Variants in FCHO2 observed in about 807,000 individuals in gnomAD.
The protein encoded by FCHO2 is F-BAR domain only protein 2.
FCHO2 carries 43 observed loss-of-function variants against 114.1 expected under a neutral mutation model. The observed-to-expected ratio is 0.38, with a 90% CI of 0.30 to 0.49. The LOEUF (loss-of-function observed/expected upper bound fraction) is 0.49. Ranked by LOEUF, FCHO2 falls within the 20% of genes least tolerant of loss-of-function variation. The pLI, the probability that FCHO2 is intolerant of heterozygous loss-of-function variation, is 0.97. For synonymous variants in FCHO2, 293 were observed against 315.2 expected (o/e 0.93, Z 0.75); for missense variants, 807 against 950.4 (o/e 0.85, Z 1.98).
rs187174355 is a variant in FCHO2, at chr5:72,977,439, T to C, written c.125+8850T>C. On this transcript the variant is annotated intron_variant, in intron 2 of 25. Coordinates refer to ENST00000430046, the MANE Select transcript of FCHO2 (RefSeq NM_138782.3). ...TAAATGTCTTCTTTTGAGAAGTGTCTGTTCATATACTTTGCCCACTTTTTG... is the reference window on the plus strand; with the variant it reads ...TAAATGTCTTCTTTTGAGAAGTGTCCGTTCATATACTTTGCCCACTTTTTG... Among the ~76,000 whole-genome samples, 922 of 152,338 alleles carry C rather than the reference T, an allele frequency of 6.1e-3. 5 individuals carry two copies. The highest frequency in any genetic ancestry group is 0.01 in the Middle Eastern group (3 of 294).
intron 18 of FCHO2, among the ~76,000 whole-genome samples, chr5:73,065,406 C>T (rs764112313): frequency 1.3e-5 from 2 of 151,748 alleles, no homozygotes; most frequent in Non-Finnish European, 2.9e-5. Flanking sequence ...CAAAGATAAC[C>T]ACTGTTAACA....
intron 8 of FCHO2, among the ~76,000 whole-genome samples, chr5:73,019,212 A>G (rs550279593): frequency 5.3e-5 from 8 of 152,350 alleles, no homozygotes; most frequent in South Asian, 2.1e-4. Context: ...GGAGCTGACT[A>G]TGGCTTCCAT....
intron 16 of FCHO2, among the ~76,000 whole-genome samples, chr5:73,057,057 T>G (rs937389551): frequency 6.6e-6 from 1 of 151,972 alleles, no homozygotes; most frequent in Non-Finnish European, 1.5e-5. Flanking sequence ...CGTCCCAGGC[T>G]CAAATGATCC....
intron 1 of FCHO2, among the ~76,000 whole-genome samples, chr5:72,960,333 A>T (rs896559551): frequency 1.1e-4 from 17 of 152,280 alleles, no homozygotes; most frequent in African/African-American, 4.1e-4. Flanking sequence ...AAAACCTTTT[A>T]CAGAACAGGT....
chr5:72,971,379 T>G (rs1374876624), intron 2 of FCHO2, among the ~76,000 whole-genome samples: 5 of 152,168 alleles, frequency 3.3e-5, no homozygotes, highest in African/African-American at 9.7e-5. Flanking sequence ...CCTGACTTTT[T>G]AATGATTGCC....
chr5:73,037,479 C>T (rs915972902), intron 10 of FCHO2, among the ~76,000 whole-genome samples: 5 of 151,728 alleles, frequency 3.3e-5, no homozygotes, highest in South Asian at 2.1e-4. Context: ...TTGAAATATC[C>T]TTATTTTTGT....
At chr5:72,998,213 C>A (rs186049308) in intron 5 of FCHO2, among the ~76,000 whole-genome samples, 2 of 151,918 alleles carry the variant, frequency 1.3e-5, no homozygotes, top group Admixed American at 6.6e-5. Context: ...TGTGGTCAGG[C>A]GCGGTGGCTC....
At chr5:73,064,125 C>T (rs1048691292) in intron 18 of FCHO2, among the ~76,000 whole-genome samples, 181 bp downstream of exon 18, 1 of 152,008 alleles carries the variant, frequency 6.6e-6, no homozygotes, top group Non-Finnish European at 1.5e-5. Context: ...GTGATCATAC[C>T]TGTGAGACAC....
intron 6 of FCHO2, among the ~76,000 whole-genome samples, chr5:73,007,960 C>T (rs1309672612): frequency 2.0e-5 from 3 of 152,058 alleles, no homozygotes; most frequent in Non-Finnish European, 4.4e-5. Context: ...AAGAGCGTTA[C>T]AGGCTTTGGG....
chr5:73,015,990 C>G (rs1016680478), intron 7 of FCHO2, among the ~76,000 whole-genome samples: 1 of 151,850 alleles, frequency 6.6e-6, no homozygotes, highest in East Asian at 1.9e-4. Context: ...CTAAAGCTAT[C>G]AACTTTTGAA....
At chr5:73,025,597 T>C (rs777076979) in intron 8 of FCHO2, among the ~76,000 whole-genome samples, 2 of 152,234 alleles carry the variant, frequency 1.3e-5, no homozygotes, top group East Asian at 1.9e-4. Flanking sequence ...CAGGTTAATC[T>C]CAAACTCCTG....
At chr5:73,009,487 T>C (rs994256184) in intron 6 of FCHO2, among the ~76,000 whole-genome samples, 5 of 152,252 alleles carry the variant, frequency 3.3e-5, no homozygotes, top group Admixed American at 3.3e-4. Context: ...TTACATTTTT[T>C]TCCAAAATGG....
intron 5 of FCHO2, among the ~76,000 whole-genome samples, chr5:73,005,931 A>G (rs1156624339): frequency 6.6e-6 from 1 of 152,206 alleles, no homozygotes; most frequent in Non-Finnish European, 1.5e-5. Flanking sequence ...GCTGAGAAAC[A>G]TCAAGGAAAC....
chr5:73,056,897 T>C (rs1323072055), intron 16 of FCHO2, among the ~76,000 whole-genome samples: 1 of 152,058 alleles, frequency 6.6e-6, no homozygotes, highest in Non-Finnish European at 1.5e-5. Context: ...TAAGCCAATG[T>C]TTCATGGGTC....
chr5:73,048,939 C>A (rs1235723308), intron 11 of FCHO2, among the ~76,000 whole-genome samples: 1 of 142,196 alleles, frequency 7.0e-6, no homozygotes, highest in African/African-American at 2.7e-5. Flanking sequence ...TGCAGTGGCG[C>A]GATCTCGGCT....
At chr5:72,958,214 T>C (rs1391340616) in intron 1 of FCHO2, among the ~76,000 whole-genome samples, 2 of 152,204 alleles carry the variant, frequency 1.3e-5, no homozygotes, top group African/African-American at 2.4e-5. Flanking sequence ...TCTATTTTTT[T>C]CTATTACTTG....
At chr5:73,028,058 G>C (rs1451821622) in intron 8 of FCHO2, among the ~76,000 whole-genome samples, 2 of 152,056 alleles carry the variant, frequency 1.3e-5, no homozygotes, top group African/African-American at 4.8e-5. Flanking sequence ...AATTAGGCGT[G>C]GTGTTGTGCA....
At chr5:73,010,875 C>CAAAAAAAA (rs57820498) in intron 6 of FCHO2, among the ~76,000 whole-genome samples, 19 of 25,754 alleles carry the variant, frequency 7.4e-4, no homozygotes, top group African/African-American at 2.0e-3. Flanking sequence ...GACTCTGTCT[C>CAAAAAAAA]AAAAAAAAAA....
At position 73,029,623 on chromosome 5, in the gene FCHO2, A is replaced by G. The variant is rs1429084818; in HGVS notation, c.797-5034A>G. Among the ~76,000 whole-genome samples, 3 of 152,212 alleles carry G rather than the reference A, an allele frequency of 2.0e-5. No individual in the cohort carries two copies. In the East Asian group the frequency reaches 5.8e-4, roughly 29 times the overall value. ...GATATTTAACTTGGCGCATGGTTCT[A>G]CAGGCTTTATAGGAAGCATGGTGCT... On this transcript the variant is annotated intron_variant, in intron 8 of 25. Coordinates refer to ENST00000430046, the MANE Select transcript of FCHO2 (RefSeq NM_138782.3).
Sources: gnomAD v4.1 joint callset for allele counts (sites outside exome capture counted in the v4.1 genomes callset) on GRCh38, gnomAD v4.1.1 for gene constraint, MANE v1.5 for transcripts, NCBI Gene and HGNC (gene_info 2026-07-23, HGNC 2026-07-21) for gene names.